The following RBFOX1 variants were observed in gnomAD, a reference collection of about 807,000 sequenced individuals.
RBFOX1 encodes RNA binding fox-1 homolog 1.
RBFOX1 carries 8 observed loss-of-function variants against 57.7 expected under a neutral mutation model. That is an observed-to-expected ratio of 0.14 (90% CI 0.08 to 0.25). RBFOX1 has a LOEUF of 0.25. Among genes scored for constraint, RBFOX1 ranks in the 10% least tolerant of loss-of-function variants. The pLI, the probability that RBFOX1 is intolerant of heterozygous loss-of-function variation, is 1.00. For synonymous variants in RBFOX1, 326 were observed against 222.4 expected (o/e 1.47, Z -4.15); for missense variants, 611 against 548.5 (o/e 1.11, Z -1.14).
chr16:6,797,422 G>A (rs1249538402), intron 3 of RBFOX1, among the ~76,000 whole-genome samples: 1 of 152,118 alleles, frequency 6.6e-6, no homozygotes, highest in Non-Finnish European at 1.5e-5. Flanking sequence ...GAGAGATAGA[G>A]TTGCTTTGTT....
chr16:7,518,216 C>A lies in RBFOX1; in HGVS notation c.97C>A (p.Pro33Thr), dbSNP rs1319619689. Residue 33 changes from proline (P) to threonine (T), a missense_variant, in exon 5 of 16, where the codon CCG becomes ACG. Physicochemically the swap from Pro to Thr is conservative, Grantham distance 38. Around this residue, in one of 3 missense-constraint regions of RBFOX1, gnomAD observed 245 missense variants for 159.1 expected, o/e 1.54. Coordinates refer to ENST00000550418, the MANE Select transcript of RBFOX1 (RefSeq NM_018723.4). ...TTACGCTTCGGCCCAGTTTGCTCCC[C>A]CGCAGAACGGTATCCCCGCGGAATA... ...QPYASAQFAP[P>T]QNGIPAEYTA... The A allele has an allele frequency of 6.2e-7, 1 of 1,614,014 alleles. No individual in the cohort carries two copies. The highest frequency in any genetic ancestry group is 2.2e-5 in the East Asian group (1 of 44,878).
chr16:7,102,526 C>T (rs1370570825), intron 4 of RBFOX1, among the ~76,000 whole-genome samples: 1 of 152,144 alleles, frequency 6.6e-6, no homozygotes, highest in African/African-American at 2.4e-5. Context: ...GTGCTTACTG[C>T]TTCATTAAAT....
At chr16:7,305,323 G>A (rs904994991) in intron 4 of RBFOX1, among the ~76,000 whole-genome samples, 5 of 152,078 alleles carry the variant, frequency 3.3e-5, no homozygotes, top group African/African-American at 1.2e-4. Flanking sequence ...TGCTTCCTGA[G>A]TTGGTTCCTG....
At chr16:5,726,782 G>A (rs1381986899) in intron 3 of RBFOX1, among the ~76,000 whole-genome samples, 10 of 152,116 alleles carry the variant, frequency 6.6e-5, no homozygotes, top group Non-Finnish European at 1.0e-4. Flanking sequence ...ATTATTGTTC[G>A]CTACATGCCA....
intron 3 of RBFOX1, among the ~76,000 whole-genome samples, chr16:6,785,848 A>G (rs543346955): frequency 2.9e-5 from 4 of 136,554 alleles, no homozygotes; most frequent in South Asian, 4.6e-4. Context: ...ATTAGACTCA[A>G]AGTCCATTAG....
intron 2 of RBFOX1, among the ~76,000 whole-genome samples, chr16:6,461,704 T>C (rs1844514435): frequency 6.6e-6 from 1 of 152,228 alleles, no homozygotes; most frequent in South Asian, 2.1e-4. Flanking sequence ...GATTATTTTT[T>C]TTCTCAGTGG....
At chr16:5,471,711 A>G (rs1031899029) in intron 2 of RBFOX1, among the ~76,000 whole-genome samples, 3 of 152,106 alleles carry the variant, frequency 2.0e-5, no homozygotes, top group African/African-American at 7.2e-5. Flanking sequence ...GAGTATTTAC[A>G]CCTGCTCTGA....
chr16:6,746,256 C>A (rs533670214), intron 3 of RBFOX1, among the ~76,000 whole-genome samples: 5 of 152,050 alleles, frequency 3.3e-5, no homozygotes, highest in Admixed American at 6.5e-5. Flanking sequence ...ATAAAAACTC[C>A]CAAACATATT....
intron 1 of RBFOX1, among the ~76,000 whole-genome samples, chr16:6,270,741 T>C (rs1029972890): frequency 6.6e-6 from 1 of 152,190 alleles, no homozygotes; most frequent in African/African-American, 2.4e-5. Context: ...ATCAACATTA[T>C]AGAACACTCC....
intron 3 of RBFOX1, among the ~76,000 whole-genome samples, chr16:6,925,077 C>A (rs564786632): frequency 1.5e-5 from 2 of 136,102 alleles, no homozygotes; most frequent in South Asian, 4.9e-4. Flanking sequence ...TTTCTTAATC[C>A]AGTCTATCGT....
At chr16:7,489,936 C>T (rs1304980153) in intron 4 of RBFOX1, among the ~76,000 whole-genome samples, 3 of 152,112 alleles carry the variant, frequency 2.0e-5, no homozygotes, top group African/African-American at 7.2e-5. Flanking sequence ...TTTCCTTGGT[C>T]AGAGTTTTTA....
chr16:6,102,959 C>G (rs973659885), intron 1 of RBFOX1, among the ~76,000 whole-genome samples: 1 of 152,056 alleles, frequency 6.6e-6, no homozygotes, highest in Non-Finnish European at 1.5e-5. Context: ...GTGTTCAGGG[C>G]CATTCTAATG....
chr16:7,709,834 C>T (rs1169612599), intron 15 of RBFOX1: 2 of 1,251,250 alleles, frequency 1.6e-6, no homozygotes, highest in East Asian at 4.4e-5. Context: ...CACTGAAACT[C>T]TTGAGTACAG....
chr16:6,137,809 A>G (rs1013469266), intron 1 of RBFOX1, among the ~76,000 whole-genome samples: 4 of 151,802 alleles, frequency 2.6e-5, no homozygotes, highest in Non-Finnish European at 4.4e-5. Flanking sequence ...GGTTCCCACT[A>G]TGTTGTCCAG....
intron 2 of RBFOX1, among the ~76,000 whole-genome samples, chr16:6,325,691 T>A (rs1388101662): frequency 6.6e-6 from 1 of 152,186 alleles, no homozygotes; most frequent in African/African-American, 2.4e-5. Context: ...ATAGGCTGGT[T>A]AATACGATAT....
chr16:7,036,704 A>G (rs1156300135), intron 3 of RBFOX1, among the ~76,000 whole-genome samples: 1 of 144,948 alleles, frequency 6.9e-6, no homozygotes, highest in African/African-American at 2.5e-5. Context: ...AAAACAAACA[A>G]ACAAACAAAA....
At chr16:5,434,025 G>A (rs1008587557) in intron 1 of RBFOX1, among the ~76,000 whole-genome samples, 4 of 152,062 alleles carry the variant, frequency 2.6e-5, no homozygotes, top group Non-Finnish European at 4.4e-5. Flanking sequence ...TGAATTTTGA[G>A]TTGGGGTAGG....
chr16:5,776,571 A>G (rs2054157559), intron 3 of RBFOX1, among the ~76,000 whole-genome samples: 1 of 152,200 alleles, frequency 6.6e-6, no homozygotes, highest in African/African-American at 2.4e-5. Flanking sequence ...TGTGCTGAAC[A>G]TTTTAGGCAG....
intron 1 of RBFOX1, among the ~76,000 whole-genome samples, chr16:6,220,353 T>C (rs551814836): frequency 6.6e-6 from 1 of 152,336 alleles, no homozygotes; most frequent in African/African-American, 2.4e-5. Flanking sequence ...CACCCCTTTA[T>C]TCTTTAAGAC....
Sources: gnomAD v4.1 joint callset for allele counts (sites outside exome capture counted in the v4.1 genomes callset) on GRCh38, gnomAD v4.1.1 for gene constraint, gnomAD v4.1.1 regional missense constraint, MANE v1.5 for transcripts, NCBI Gene and HGNC (gene_info 2026-07-23, HGNC 2026-07-21) for gene names.